Variants in GNG4 observed in about 807,000 individuals in gnomAD.
GNG4 encodes the protein guanine nucleotide-binding protein G(I)/G(S)/G(O) subunit gamma-4.
GNG4 carries 4 observed loss-of-function variants against 5.8 expected under a neutral mutation model. That is an observed-to-expected ratio of 0.69 (90% CI 0.34 to 1.57). The LOEUF (loss-of-function observed/expected upper bound fraction) is 1.57, where lower values mean the gene tolerates loss of function less well. Among genes scored for constraint, GNG4 ranks in the 40% most tolerant of loss-of-function variants. The probability of loss-of-function intolerance (pLI) is 0.06; values close to 1 mark genes in which losing one functional copy is unlikely to be tolerated. For missense variants in GNG4, 96 were observed against 95.1 expected (o/e 1.01, Z -0.04); for synonymous variants, 29 against 32.9 (o/e 0.88, Z 0.41).
At chr1:235,632,510 A>C (rs528329753) in intron 1 of GNG4, among the ~76,000 whole-genome samples, 109 of 152,350 alleles carry the variant, frequency 7.2e-4, no homozygotes, top group Non-Finnish European at 1.3e-3. Context: ...ATGTGGTTTA[A>C]CCAACTGGAA....
At chr1:235,555,314 T>C (rs1686872436) in intron 3 of GNG4, among the ~76,000 whole-genome samples, 1 of 152,154 alleles carries the variant, frequency 6.6e-6, no homozygotes, top group African/African-American at 2.4e-5. Flanking sequence ...ACACTCAGAA[T>C]AGATCATCTC....
At chr1:235,555,418 C>T (rs1392041801) in intron 3 of GNG4, among the ~76,000 whole-genome samples, 7 of 152,320 alleles carry the variant, frequency 4.6e-5, no homozygotes, top group African/African-American at 9.6e-5. Context: ...GAGTGCTTCT[C>T]AGGTGCCAGC....
chr1:235,551,199 C>CCACCACGGCCCACAGCCGGGG lies in GNG4; in HGVS notation c.*889_*909dup, dbSNP rs1303105465. On this transcript the variant is annotated 3_prime_UTR_variant, in exon 4 of 4. Coordinates refer to ENST00000391854, the MANE Select transcript of GNG4 (RefSeq NM_001098722.2). ...GTAGGACCACTGAAACAAGGGACAT[C>CCACCACGGCCCACAGCCGGGG]CACCACGGCCCACAGCCGGGGCGCC... The CCACCACGGCCCACAGCCGGGG allele has an allele frequency of 6.6e-6, 1 of 152,340 alleles. No homozygotes were observed. The highest frequency in any genetic ancestry group is 2.4e-5 in the African/African-American group (1 of 41,458). 9.4% of individuals were successfully genotyped at this position (152,340 alleles called of 1,614,324 possible).
chr1:235,618,936 G>A (rs534941415), intron 1 of GNG4, among the ~76,000 whole-genome samples: 85 of 151,014 alleles, frequency 5.6e-4, no homozygotes, highest in Non-Finnish European at 8.9e-4. Context: ...GATTATAGGC[G>A]TGAGCCACTG....
intron 1 of GNG4, among the ~76,000 whole-genome samples, chr1:235,599,013 C>T (rs1010128029): frequency 3.3e-5 from 5 of 152,148 alleles, no homozygotes; most frequent in Non-Finnish European, 7.4e-5. Flanking sequence ...AGGCATGAGC[C>T]ACCACACCCG....
chr1:235,564,565 A>C (rs2102921045), intron 3 of GNG4, among the ~76,000 whole-genome samples: 2 of 152,256 alleles, frequency 1.3e-5, no homozygotes, highest in South Asian at 4.1e-4. Flanking sequence ...TCCCTCCCCT[A>C]TTTTAATGTA....
intron 1 of GNG4, among the ~76,000 whole-genome samples, chr1:235,633,818 G>A (rs113121018): frequency 1.3e-5 from 2 of 152,282 alleles, no homozygotes; most frequent in African/African-American, 2.4e-5. Context: ...GAGTCACCTG[G>A]TGGTGGGTGA....
chr1:235,567,039 T>G (rs1687214267), intron 3 of GNG4: 1 of 151,970 alleles, frequency 6.6e-6, no homozygotes. Flanking sequence ...TCTTCTGGGC[T>G]CAAGTGATCC....
intron 1 of GNG4, among the ~76,000 whole-genome samples, chr1:235,636,791 G>C (rs926798917): frequency 6.6e-6 from 1 of 152,140 alleles, no homozygotes; most frequent in South Asian, 2.1e-4. Flanking sequence ...CATCGGAACT[G>C]GATTCTGGGA....
intron 2 of GNG4, among the ~76,000 whole-genome samples, chr1:235,586,090 AG>A (rs1259951929): frequency 6.6e-6 from 1 of 152,236 alleles, no homozygotes; most frequent in East Asian, 1.9e-4. Flanking sequence ...GTCCAAAGGC[AG>A]TTTTTGAAAA....
chr1:235,594,394 A>G (rs2481092), intron 2 of GNG4, among the ~76,000 whole-genome samples: 57,685 of 152,024 alleles, frequency 0.38, 11,729 homozygotes, highest in East Asian at 0.79. Flanking sequence ...ATCTGGGGCC[A>G]CAGGTGGAGC....
chr1:235,648,208 T>C lies in GNG4; in HGVS notation c.-123+1454A>G, dbSNP rs1657559905. Among the ~76,000 whole-genome samples, 1 of 152,070 alleles carries C rather than the reference T, an allele frequency of 6.6e-6. No individual in the cohort carries two copies. The highest frequency in any genetic ancestry group is 2.4e-5 in the African/African-American group (1 of 41,368). On this transcript the variant is annotated intron_variant, in intron 1 of 3. Coordinates refer to ENST00000391854, the MANE Select transcript of GNG4 (RefSeq NM_001098722.2). This position sits in a 1 kb window ranked among gnomAD's most constrained non-coding sequence, Gnocchi z 5.0. ...CATGGAGGTGGGGGCCAACAGGAAG[T>C]CCATTGTCCTAAATAGTCATTTCAG...
At chr1:235,611,993 G>A (rs1225682632) in intron 1 of GNG4, among the ~76,000 whole-genome samples, 1 of 150,234 alleles carries the variant, frequency 6.7e-6, no homozygotes, top group African/African-American at 2.5e-5. Flanking sequence ...GAGCCTGGGA[G>A]GTTGAGGTTA....
At chr1:235,601,912 G>A (rs1466517681) in intron 1 of GNG4, among the ~76,000 whole-genome samples, 1 of 152,086 alleles carries the variant, frequency 6.6e-6, no homozygotes, top group Non-Finnish European at 1.5e-5. Context: ...CTGGACCGGA[G>A]GCATCAATGT....
chr1:235,621,682 C>CTT (rs34702099), intron 1 of GNG4, among the ~76,000 whole-genome samples: 33 of 144,584 alleles, frequency 2.3e-4, no homozygotes, highest in Admixed American at 4.8e-4. Context: ...GTATTTTACC[C>CTT]TTTTTTTTTT....
Position 235,642,496 on chromosome 1 carries a change from C to T in GNG4, c.-123+7166G>A, listed in dbSNP as rs545867396. The stretch of plus-strand genomic sequence containing the variant: ...GTAAGCATCAGAGGGACAAAGAAAT[C>T]ATAAACAAGAGGCAGGATGCAACTG... On this transcript the variant is annotated intron_variant, in intron 1 of 3. Transcript: ENST00000391854. This position sits in a 1 kb window ranked among gnomAD's most constrained non-coding sequence, Gnocchi z 4.3. 6.6e-6 allele frequency among the ~76,000 whole-genome samples: 1 copy of T among 152,178 alleles called. No homozygotes were observed. The highest frequency in any genetic ancestry group is 2.4e-5 in the African/African-American group (1 of 41,518).
intron 1 of GNG4, among the ~76,000 whole-genome samples, chr1:235,601,537 G>A (rs1021881078): frequency 1.3e-5 from 2 of 152,190 alleles, no homozygotes; most frequent in African/African-American, 4.8e-5. Context: ...GAGCTCAGGT[G>A]CTGAGGGAGA....
chr1:235,559,130 T>C (rs1226042543), intron 3 of GNG4, among the ~76,000 whole-genome samples: 1 of 152,206 alleles, frequency 6.6e-6, no homozygotes, highest in African/African-American at 2.4e-5. Flanking sequence ...TAAGCAACGC[T>C]GGTCTATTTA....
At chr1:235,575,997 G>A (rs1340067617) in intron 3 of GNG4, among the ~76,000 whole-genome samples, 1 of 151,750 alleles carries the variant, frequency 6.6e-6, no homozygotes, top group Non-Finnish European at 1.5e-5. Flanking sequence ...ACTCTGCTCA[G>A]CTCAGACCTG....
Sources: allele counts gnomAD v4.1 joint callset (sites outside exome capture counted in the v4.1 genomes callset), GRCh38; gene constraint gnomAD v4.1.1; non-coding constraint Gnocchi (gnomAD v3.1); transcripts MANE v1.5; gene names NCBI Gene and HGNC (gene_info 2026-07-23, HGNC 2026-07-21).